Variants in LUZP2 observed in about 807,000 individuals in gnomAD.
The protein encoded by LUZP2 is leucine zipper protein 2.
A neutral mutation model predicts 51.6 loss-of-function variants in LUZP2; 52 were observed. That is an observed-to-expected ratio of 1.01 (90% CI 0.81 to 1.27). LUZP2 has a LOEUF of 1.27. Among genes scored for constraint, LUZP2 ranks in the 50% most tolerant of loss-of-function variants. The pLI is 0.00. For missense variants in LUZP2, 436 were observed against 395.4 expected (o/e 1.10, Z -0.87); for synonymous variants, 154 against 137.3 (o/e 1.12, Z -0.85).
intron 7 of LUZP2, among the ~76,000 whole-genome samples, chr11:24,919,951 T>A (rs991785015): frequency 6.6e-6 from 1 of 151,726 alleles, no homozygotes; most frequent in African/African-American, 2.4e-5. Flanking sequence ...GCTAAGAAAT[T>A]TTATGAATGA....
At chr11:24,915,139 C>T (rs889013389) in intron 7 of LUZP2, among the ~76,000 whole-genome samples, 2 of 152,088 alleles carry the variant, frequency 1.3e-5, no homozygotes, top group African/African-American at 4.8e-5. Flanking sequence ...TATGAAGTTG[C>T]ATGAATTAGA....
intron 7 of LUZP2, among the ~76,000 whole-genome samples, chr11:24,946,872 G>A (rs146022179): frequency 6.6e-6 from 1 of 151,774 alleles, no homozygotes; most frequent in Admixed American, 6.6e-5. Context: ...AAATACATTA[G>A]ATTTCTATAT....
chr11:24,813,711 A>G (rs1220948842), intron 5 of LUZP2, among the ~76,000 whole-genome samples: 1 of 152,232 alleles, frequency 6.6e-6, no homozygotes, highest in Non-Finnish European at 1.5e-5. Flanking sequence ...GTGAGGACAA[A>G]TATCCAAACT....
At chr11:24,629,157 T>C (rs1027437937) in intron 1 of LUZP2, among the ~76,000 whole-genome samples, 5 of 151,978 alleles carry the variant, frequency 3.3e-5, no homozygotes, top group African/African-American at 1.2e-4. Flanking sequence ...AGTGGTCAAA[T>C]CAGAGCTTTA....
chr11:24,533,303 C>A (rs1851070657), intron 1 of LUZP2, among the ~76,000 whole-genome samples: 1 of 151,212 alleles, frequency 6.6e-6, no homozygotes, highest in African/African-American at 2.4e-5. Context: ...AGGCATTGAT[C>A]AGCCATTCTA....
intron 1 of LUZP2, among the ~76,000 whole-genome samples, chr11:24,578,574 A>AG (rs1386750122): frequency 2.8e-5 from 4 of 144,268 alleles, no homozygotes; most frequent in African/African-American, 1.0e-4. Context: ...AAAAAAAAAA[A>AG]TGGAAAAGAA....
chr11:24,945,375 C>T (rs1390146003), intron 7 of LUZP2, among the ~76,000 whole-genome samples: 1 of 152,126 alleles, frequency 6.6e-6, no homozygotes, highest in Non-Finnish European at 1.5e-5. Flanking sequence ...ATATTTTCTA[C>T]ATTCTTACAT....
At chr11:24,797,914 C>A (rs111278274) in intron 5 of LUZP2, among the ~76,000 whole-genome samples, 2 of 152,142 alleles carry the variant, frequency 1.3e-5, no homozygotes, top group Non-Finnish European at 2.9e-5. Context: ...CATTTAAAAA[C>A]CTTCACTATT....
intron 7 of LUZP2, among the ~76,000 whole-genome samples, chr11:24,966,470 A>G (rs935207375): frequency 7.3e-5 from 11 of 150,472 alleles, no homozygotes; most frequent in Admixed American, 2.6e-4. Flanking sequence ...ATATTTGTCT[A>G]TCTCAAAGTC....
intron 1 of LUZP2, among the ~76,000 whole-genome samples, chr11:24,675,311 GT>G (rs113189581): frequency 1.1e-4 from 16 of 152,254 alleles, no homozygotes; most frequent in African/African-American, 3.4e-4. Flanking sequence ...TTAAAAATCT[GT>G]TTGCTATTAA....
chr11:25,012,639 T>G (rs1857018083), intron 9 of LUZP2, among the ~76,000 whole-genome samples: 1 of 152,136 alleles, frequency 6.6e-6, no homozygotes, highest in Non-Finnish European at 1.5e-5. Context: ...TTATTAATGA[T>G]CAGAGAACTG....
Position 24,600,398 on chromosome 11 carries a change from G to A in LUZP2, c.62+103093G>A, listed in dbSNP as rs144549258. Among the ~76,000 whole-genome samples the A allele has an allele frequency of 7.8e-3, 1,180 of 152,222 alleles. 16 individuals are homozygous for A. The highest frequency in any genetic ancestry group is 0.027 in the African/African-American group (1,109 of 41,548). ...AGATTTCCAGCCTCCAGAACTTTGA[G>A]AGAATACATTTCTGTTGTTTTAAGC... On this transcript the variant is annotated intron_variant, in intron 1 of 11. Transcript: ENST00000336930.
At chr11:24,854,357 C>T (rs984224666) in intron 5 of LUZP2, among the ~76,000 whole-genome samples, 3 of 152,224 alleles carry the variant, frequency 2.0e-5, no homozygotes, top group Non-Finnish European at 2.9e-5. Flanking sequence ...CTGGCTACAG[C>T]AGCTTTGCTG....
chr11:24,816,594 G>A (rs1160630379), intron 5 of LUZP2, among the ~76,000 whole-genome samples: 1 of 151,968 alleles, frequency 6.6e-6, no homozygotes, highest in Non-Finnish European at 1.5e-5. Flanking sequence ...ATGCCATAAG[G>A]TCAGATATCT....
chr11:24,541,070 T>A (rs945094782), intron 1 of LUZP2, among the ~76,000 whole-genome samples: 2 of 151,820 alleles, frequency 1.3e-5, no homozygotes, highest in African/African-American at 2.4e-5. Flanking sequence ...CTGGCCAATA[T>A]GGTGAAACCC....
At chr11:24,546,267 C>A (rs924782784) in intron 1 of LUZP2, among the ~76,000 whole-genome samples, 5 of 152,000 alleles carry the variant, frequency 3.3e-5, no homozygotes, top group African/African-American at 1.2e-4. Context: ...TTTGGATGCC[C>A]TTTATTTCCT....
intron 1 of LUZP2, among the ~76,000 whole-genome samples, chr11:24,666,161 A>G (rs1048217094): frequency 6.6e-6 from 1 of 152,144 alleles, no homozygotes; most frequent in African/African-American, 2.4e-5. Context: ...GTCTGCTTAG[A>G]AAATGAGGTA....
chr11:24,952,272 A>G (rs566894865), intron 7 of LUZP2, among the ~76,000 whole-genome samples: 1 of 151,764 alleles, frequency 6.6e-6, no homozygotes, highest in African/African-American at 2.4e-5. Context: ...TAATATAAAA[A>G]TGATGCATTC....
At chr11:24,578,928 A>C (rs925175075) in intron 1 of LUZP2, among the ~76,000 whole-genome samples, 2 of 152,122 alleles carry the variant, frequency 1.3e-5, no homozygotes, top group Admixed American at 1.3e-4. Context: ...CTAAAATAAA[A>C]GTTGACATTA....
Sources: gnomAD v4.1 joint callset for allele counts (sites outside exome capture counted in the v4.1 genomes callset) on GRCh38, gnomAD v4.1.1 for gene constraint, MANE v1.5 for transcripts, NCBI Gene and HGNC (gene_info 2026-07-23, HGNC 2026-07-21) for gene names.